The following ARHGAP18 variants were observed in gnomAD, a reference collection of about 807,000 sequenced individuals.
ARHGAP18 encodes the protein Rho GTPase activating protein 18.
Under a neutral mutation model 86.2 loss-of-function variants are expected in ARHGAP18, and 67 were observed. The ratio of observed to expected loss-of-function variants is 0.78; its 90% CI spans 0.64 to 0.95. The LOEUF is 0.95. Among genes scored for constraint, ARHGAP18 ranks in the 40% least tolerant of loss-of-function variants. The probability of loss-of-function intolerance (pLI) is 0.00; values close to 1 mark genes in which losing one functional copy is unlikely to be tolerated. For synonymous variants in ARHGAP18, 283 were observed against 280.4 expected (o/e 1.01, Z -0.09); for missense variants, 691 against 780.4 (o/e 0.89, Z 1.37).
chr6:129,700,975 A>C (rs1774700147), intron 1 of ARHGAP18, among the ~76,000 whole-genome samples: 2 of 150,042 alleles, frequency 1.3e-5, no homozygotes, highest in African/African-American at 4.9e-5. Context: ...GCCAAGGCTT[A>C]GGTATAAAGG....
chr6:129,691,221 T>C (rs1044031708), intron 1 of ARHGAP18, among the ~76,000 whole-genome samples: 1 of 152,202 alleles, frequency 6.6e-6, no homozygotes, highest in Non-Finnish European at 1.5e-5. Context: ...ACACACACTT[T>C]CCCTAACCTT....
chr6:129,677,783 T>G (rs942918769), intron 1 of ARHGAP18, among the ~76,000 whole-genome samples: 4 of 152,202 alleles, frequency 2.6e-5, no homozygotes, highest in Non-Finnish European at 5.9e-5. Context: ...TGTCTTTTAT[T>G]ATAGCAACAC....
At chr6:129,629,585 A>C (rs1773148402) in intron 4 of ARHGAP18, 63 bp from the exon 5 acceptor site, 2 of 1,516,696 alleles carry the variant, frequency 1.3e-6, no homozygotes, top group Non-Finnish European at 1.8e-6. Context: ...AAAAAATTCT[A>C]ATGCATTCGC....
At chr6:129,591,959 TG>T (rs1280806873) in intron 12 of ARHGAP18, among the ~76,000 whole-genome samples, 1 of 152,230 alleles carries the variant, frequency 6.6e-6, no homozygotes, top group African/African-American at 2.4e-5. Context: ...TCTTGAACTA[TG>T]TGCTAATTAT....
At chr6:129,622,938 T>C (rs1197912432) in intron 5 of ARHGAP18, among the ~76,000 whole-genome samples, 1 of 146,032 alleles carries the variant, frequency 6.8e-6, no homozygotes, top group Non-Finnish European at 1.5e-5. Context: ...GAGGTGGATG[T>C]TGCAGTGAGC....
At chr6:129,583,852 A>T in intron 13 of ARHGAP18, 136 bp downstream of exon 13, 1 of 1,113,214 alleles carries the variant, frequency 9.0e-7, no homozygotes, top group Admixed American at 2.6e-5. Flanking sequence ...CTGGGAAGAC[A>T]ATATTTTTAA....
chr6:129,614,006 G>A (rs988125390), intron 7 of ARHGAP18, among the ~76,000 whole-genome samples: 8 of 152,116 alleles, frequency 5.3e-5, no homozygotes, highest in Admixed American at 6.5e-5. Flanking sequence ...GAAAACACTA[G>A]ATTTGATAAT....
intron 1 of ARHGAP18, among the ~76,000 whole-genome samples, chr6:129,684,408 T>G (rs777402064): frequency 4.6e-5 from 7 of 152,188 alleles, no homozygotes; most frequent in Non-Finnish European, 1.0e-4. Context: ...AAAATTCAAT[T>G]GTGGTTAGCT....
At chr6:129,611,494 A>G (rs375918665) in intron 8 of ARHGAP18, 39 bp downstream of exon 8, 2 of 1,573,360 alleles carry the variant, frequency 1.3e-6, no homozygotes, top group African/African-American at 1.4e-5. Context: ...AGTGTAAATA[A>G]ACAATAAAAT....
At chr6:129,588,929 G>A (rs948837878) in intron 12 of ARHGAP18, among the ~76,000 whole-genome samples, 12 of 152,204 alleles carry the variant, frequency 7.9e-5, no homozygotes, top group Non-Finnish European at 1.6e-4. Context: ...GTAATGGCCC[G>A]AGCTGTACCT....
chr6:129,581,050 G>A (rs1408930071), intron 13 of ARHGAP18, among the ~76,000 whole-genome samples: 1 of 152,192 alleles, frequency 6.6e-6, no homozygotes, highest in African/African-American at 2.4e-5. Context: ...AACTGGTCTA[G>A]GATAAAGCCC....
At chr6:129,651,262 C>A (rs1330950407) in intron 1 of ARHGAP18, among the ~76,000 whole-genome samples, 1 of 152,096 alleles carries the variant, frequency 6.6e-6, no homozygotes, top group Non-Finnish European at 1.5e-5. Context: ...CATGATGTTA[C>A]TTGTGGATGT....
At chr6:129,661,626 G>A (rs1773953722) in intron 1 of ARHGAP18, among the ~76,000 whole-genome samples, 1 of 151,934 alleles carries the variant, frequency 6.6e-6, no homozygotes, top group Non-Finnish European at 1.5e-5. Flanking sequence ...ACCTCTGCAT[G>A]CCACAGTCTC....
chr6:129,665,405 C>T (rs375055131), intron 1 of ARHGAP18, among the ~76,000 whole-genome samples: 2 of 152,108 alleles, frequency 1.3e-5, no homozygotes, highest in African/African-American at 4.8e-5. Context: ...AAAAAATTAG[C>T]CAGGTGTGGT....
At chr6:129,673,446 T>C (rs1220511590) in intron 1 of ARHGAP18, among the ~76,000 whole-genome samples, 1 of 152,174 alleles carries the variant, frequency 6.6e-6, no homozygotes, top group Non-Finnish European at 1.5e-5. Context: ...ACCAGGTTTA[T>C]TTTAAAAGTG....
chr6:129,704,667 AAAC>A (rs1774775155), intron 1 of ARHGAP18, among the ~76,000 whole-genome samples: 1 of 152,148 alleles, frequency 6.6e-6, no homozygotes, highest in African/African-American at 2.4e-5. Flanking sequence ...TTCATTACTA[AAAC>A]AACTGAAACC....
intron 1 of ARHGAP18, among the ~76,000 whole-genome samples, chr6:129,703,725 T>G (rs549814101): frequency 6.6e-6 from 1 of 152,334 alleles, no homozygotes; most frequent in Admixed American, 6.5e-5. Context: ...GAAGAAACTA[T>G]GGATAGGGTT....
intron 12 of ARHGAP18, among the ~76,000 whole-genome samples, chr6:129,587,606 G>A (rs1221007997): frequency 1.3e-5 from 2 of 152,148 alleles, no homozygotes; most frequent in African/African-American, 2.4e-5. Flanking sequence ...GCAGGAGAGA[G>A]AAATGTCAAG....
At chr6:129,656,534 G>A (rs1237537688) in intron 1 of ARHGAP18, among the ~76,000 whole-genome samples, 1 of 152,114 alleles carries the variant, frequency 6.6e-6, no homozygotes, top group East Asian at 1.9e-4. Context: ...CCAGCTACTT[G>A]GGAAGCTGAG....
Sources: allele counts gnomAD v4.1 joint callset (sites outside exome capture counted in the v4.1 genomes callset), GRCh38; gene constraint gnomAD v4.1.1; transcripts MANE v1.5; gene names NCBI Gene and HGNC (gene_info 2026-07-23, HGNC 2026-07-21).